The following SDK1 variants were observed in gnomAD, a reference collection of about 807,000 sequenced individuals.
SDK1 encodes sidekick cell adhesion molecule 1, also known as protein sidekick-1.
In SDK1, 157 loss-of-function variants were observed where a neutral mutation model predicts 245.5. The ratio of observed to expected loss-of-function variants is 0.64; its 90% CI spans 0.56 to 0.73. The LOEUF (loss-of-function observed/expected upper bound fraction) is 0.73. Among genes scored for constraint, SDK1 ranks in the 30% least tolerant of loss-of-function variants. SDK1 has a pLI of 0.00. For missense variants in SDK1, 3,583 were observed against 3,002.3 expected, an observed-to-expected ratio of 1.19 and a Z score of -4.52; for synonymous variants, 1,647 against 1,278.5, an observed-to-expected ratio of 1.29 and a Z score of -6.15.
chr7:3,414,482 G>C (rs924287313), intron 1 of SDK1, among the ~76,000 whole-genome samples: 4 of 152,112 alleles, frequency 2.6e-5, no homozygotes, highest in Non-Finnish European at 5.9e-5. Context: ...GTATGTTTTA[G>C]TTTTTTTCTT....
At chr7:4,194,833 G>C (rs1027776537) in intron 35 of SDK1, among the ~76,000 whole-genome samples, 4 of 152,156 alleles carry the variant, frequency 2.6e-5, no homozygotes, top group Admixed American at 2.6e-4. Flanking sequence ...TTAATACTTT[G>C]AATCCTTCAA....
chr7:3,482,802 A>G (rs930323293), intron 1 of SDK1, among the ~76,000 whole-genome samples: 1 of 152,234 alleles, frequency 6.6e-6, no homozygotes, highest in African/African-American at 2.4e-5. Flanking sequence ...ACAGGAAAAC[A>G]GGTAAAGGAT....
At chr7:3,421,464 T>G (rs1427762901) in intron 1 of SDK1, among the ~76,000 whole-genome samples, 2 of 152,212 alleles carry the variant, frequency 1.3e-5, no homozygotes, top group Non-Finnish European at 2.9e-5. Flanking sequence ...CTTTTAAAAC[T>G]GCATTTTTAT....
chr7:3,662,008 A>G (rs112591326), intron 4 of SDK1, among the ~76,000 whole-genome samples: 5,651 of 151,080 alleles, frequency 0.037, 298 homozygotes, highest in African/African-American at 0.12. Flanking sequence ...CACTTACTCA[A>G]ATGTTTCAAA....
At chr7:3,707,992 A>G (rs1459806969) in intron 4 of SDK1, among the ~76,000 whole-genome samples, 1 of 152,126 alleles carries the variant, frequency 6.6e-6, no homozygotes, top group Non-Finnish European at 1.5e-5. Flanking sequence ...GAGACTGAGT[A>G]ATTTATTTTT....
chr7:3,387,785 T>C (rs557648229), intron 1 of SDK1, among the ~76,000 whole-genome samples: 6 of 152,206 alleles, frequency 3.9e-5, no homozygotes, highest in Non-Finnish European at 7.4e-5. Flanking sequence ...AAAATAATAC[T>C]TGATAAAGTC....
chr7:3,587,450 C>A (rs549128977), intron 1 of SDK1, among the ~76,000 whole-genome samples: 2 of 152,044 alleles, frequency 1.3e-5, no homozygotes, highest in East Asian at 1.9e-4. Flanking sequence ...AGTGTTAGAG[C>A]CAGAGAGCCA....
At chr7:4,228,245 C>T (rs1393936091) in intron 40 of SDK1, among the ~76,000 whole-genome samples, 1 of 152,200 alleles carries the variant, frequency 6.6e-6, no homozygotes, top group Non-Finnish European at 1.5e-5. Flanking sequence ...AGTGGTATTT[C>T]TCCAATGGCG....
At chr7:4,162,819 G>T (rs969580059) in intron 32 of SDK1, among the ~76,000 whole-genome samples, 2 of 152,208 alleles carry the variant, frequency 1.3e-5, no homozygotes, top group African/African-American at 4.8e-5. Flanking sequence ...TGAAGGACAC[G>T]CTGCCGTCTC....
At chr7:3,658,860 C>T (rs1338475703) in intron 4 of SDK1, among the ~76,000 whole-genome samples, 2 of 152,076 alleles carry the variant, frequency 1.3e-5, no homozygotes, top group Non-Finnish European at 2.9e-5. Flanking sequence ...TCAGGTGATC[C>T]GCCCACTTCA....
chr7:3,501,301 C>CT (rs1782204032), intron 1 of SDK1, among the ~76,000 whole-genome samples: 1 of 151,886 alleles, frequency 6.6e-6, no homozygotes, highest in South Asian at 2.1e-4. Flanking sequence ...TGGCTATTAA[C>CT]TGTTTTTACT....
At chr7:3,837,774 A>C (rs1780058629) in intron 5 of SDK1, among the ~76,000 whole-genome samples, 1 of 126,234 alleles carries the variant, frequency 7.9e-6, no homozygotes, top group African/African-American at 4.4e-5. Flanking sequence ...TTTATAATTT[A>C]ATTTAAACTT....
At chr7:3,776,254 G>A (rs1780558064) in intron 4 of SDK1, among the ~76,000 whole-genome samples, 1 of 152,214 alleles carries the variant, frequency 6.6e-6, no homozygotes, top group Non-Finnish European at 1.5e-5. Context: ...TGTCAATTTG[G>A]TGTGCAAAGG....
chr7:3,419,545 C>G (rs1306613749), intron 1 of SDK1, among the ~76,000 whole-genome samples: 2 of 152,136 alleles, frequency 1.3e-5, no homozygotes, highest in African/African-American at 4.8e-5. Context: ...GCTCTGGACA[C>G]CATGATCTGT....
At chr7:3,406,299 T>G (rs1779053800) in intron 1 of SDK1, among the ~76,000 whole-genome samples, 1 of 152,232 alleles carries the variant, frequency 6.6e-6, no homozygotes, top group Non-Finnish European at 1.5e-5. Flanking sequence ...ACCGTCTATC[T>G]GTATCTGTGG....
intron 2 of SDK1, among the ~76,000 whole-genome samples, chr7:3,631,453 A>C (rs1419471042): frequency 6.6e-6 from 1 of 152,182 alleles, no homozygotes; most frequent in Non-Finnish European, 1.5e-5. Context: ...AACTTGGTTT[A>C]TGTCAGCTCT....
At chr7:3,798,368 C>T (rs1428845767) in intron 4 of SDK1, among the ~76,000 whole-genome samples, 3 of 151,864 alleles carry the variant, frequency 2.0e-5, no homozygotes, top group Admixed American at 6.6e-5. Context: ...CAGGCGCCCG[C>T]CACCACGCCC....
chr7:3,733,214 C>T (rs1488473292), intron 4 of SDK1, among the ~76,000 whole-genome samples: 2 of 152,122 alleles, frequency 1.3e-5, no homozygotes, highest in Non-Finnish European at 2.9e-5. Context: ...TACCTTATGT[C>T]CTTAAATAGG....
At position 4,025,016 on chromosome 7, in the gene SDK1, T is replaced by TCA. The variant is rs10602730; in HGVS notation, c.2602+7697_2602+7698dup. ...GCACAATGAGAACTCTATTTTGCAT[T>TCA]CACACACACACACACACACACACAC... On this transcript the variant is annotated intron_variant, in intron 17 of 44. Coordinates refer to ENST00000404826, the MANE Select transcript of SDK1 (RefSeq NM_152744.4). Among the ~76,000 whole-genome samples the TCA allele has an allele frequency of 8.0e-3, 1,186 of 148,422 alleles. 11 individuals carry two copies. The highest frequency in any genetic ancestry group is 0.062 in the East Asian group (303 of 4,894).
Sources: allele counts gnomAD v4.1 joint callset (sites outside exome capture counted in the v4.1 genomes callset), GRCh38; gene constraint gnomAD v4.1.1; transcripts MANE v1.5; gene names NCBI Gene and HGNC (gene_info 2026-07-23, HGNC 2026-07-21).